The following ANKMY1 variants were observed in gnomAD, a reference collection of about 807,000 sequenced individuals.
The protein encoded by ANKMY1 is ankyrin repeat and MYND domain containing 1.
In ANKMY1, 98 loss-of-function variants were observed where a neutral mutation model predicts 102.0. The observed-to-expected ratio is 0.96, with a 90% CI of 0.82 to 1.14. The LOEUF (loss-of-function observed/expected upper bound fraction) is 1.14, where lower values mean the gene tolerates loss of function less well. Ranked by LOEUF, ANKMY1 falls within the 50% of genes most tolerant of loss-of-function variation. The pLI, the probability that ANKMY1 is intolerant of heterozygous loss-of-function variation, is 0.00. For synonymous variants in ANKMY1, 582 were observed against 559.9 expected, an observed-to-expected ratio of 1.04 and a Z score of -0.56; for missense variants, 1,330 against 1,347.6, an observed-to-expected ratio of 0.99 and a Z score of 0.20.
At chr2:240,539,563 C>T (rs76628099) in intron 4 of ANKMY1, among the ~76,000 whole-genome samples, 3,915 of 152,268 alleles carry the variant, frequency 0.026, 172 homozygotes, top group African/African-American at 0.089. Flanking sequence ...CCACCAATTC[C>T]GGACACAATA....
At chr2:240,556,898 C>G (rs1337474705) in intron 2 of ANKMY1, among the ~76,000 whole-genome samples, 7 of 152,142 alleles carry the variant, frequency 4.6e-5, no homozygotes, top group Non-Finnish European at 8.8e-5. Context: ...AAGATGGAGA[C>G]AGCTTGGGAG....
chr2:240,480,594 G>A (rs570531036), intron 17 of ANKMY1, among the ~76,000 whole-genome samples: 1 of 152,142 alleles, frequency 6.6e-6, no homozygotes, highest in South Asian at 2.1e-4. Context: ...CCAGGTGTCA[G>A]TGAAGCCTCT....
chr2:240,555,815 G>A (rs2092283665), intron 2 of ANKMY1, among the ~76,000 whole-genome samples: 1 of 152,000 alleles, frequency 6.6e-6, no homozygotes, highest in East Asian at 1.9e-4. Context: ...CCTACAGAAG[G>A]ACAGGGCATC....
rs1267538335 is a variant in ANKMY1 at position 240,523,891 on chromosome 2, A to G, written c.1826T>C (p.Met609Thr). 6 of 1,612,044 alleles carry G rather than the reference A, an allele frequency of 3.7e-6. 2 individuals are homozygous for G. In the South Asian group the frequency reaches 5.5e-5, roughly 15 times the overall value. Reference sequence around the variant, plus strand: ...AGCTGGTGCCAGGACCTACTCGATCATGGACAGCGCCATCCTCCGCATGGT... The same window carrying G: ...AGCTGGTGCCAGGACCTACTCGATCGTGGACAGCGCCATCCTCCGCATGGT... Reference protein sequence around the residue: ...KGTMRRMALSMIERRKRWRTI... With the variant: ...KGTMRRMALSTIERRKRWRTI... The change falls in exon 8 of 18, where the codon ATG becomes ACG. Residue 609 changes from methionine (M) to threonine (T), a missense_variant. Physicochemically the swap from Met to Thr is moderately conservative, Grantham distance 81. Coordinates refer to ENST00000401804, the MANE Select transcript of ANKMY1 (RefSeq NM_001282771.3).
chr2:240,479,445 GCCA>G lies in ANKMY1; in HGVS notation c.*161_*163del. 1 of 842,938 alleles carries G rather than the reference GCCA, an allele frequency of 1.2e-6. No individual in the cohort carries two copies. The highest frequency in any genetic ancestry group is 1.6e-5 in the South Asian group (1 of 63,380). 52.2% of individuals were successfully genotyped at this position (842,938 alleles called of 1,614,324 possible). A position where few individuals can be genotyped will look rare whatever the true frequency, so the allele number is the denominator to read the frequency against. ...CAGACTGTCAAAATCACCCCGTGGG[GCCA>G]ATTTATTGCGAGGTCGCAAGGGAGA... On this transcript the variant is annotated 3_prime_UTR_variant, in exon 18 of 18. Transcript: ENST00000401804.
intron 4 of ANKMY1, among the ~76,000 whole-genome samples, chr2:240,531,251 AG>A (rs1255320329): frequency 1.3e-5 from 2 of 152,244 alleles, no homozygotes; most frequent in Non-Finnish European, 2.9e-5. Context: ...AGTGTCGACA[AG>A]GATGTGAAAC....
chr2:240,537,678 C>T (rs561710930), intron 4 of ANKMY1, among the ~76,000 whole-genome samples: 13 of 152,364 alleles, frequency 8.5e-5, no homozygotes, highest in African/African-American at 2.6e-4. Flanking sequence ...ATGTACAAAA[C>T]AACGAAGTGT....
chr2:240,529,201 C>T lies in ANKMY1; in HGVS notation c.789G>A (p.Ser263=), dbSNP rs998533939. The change falls in exon 5 of 18, where the codon TCG becomes TCA. Residue 263 remains serine (S), a synonymous_variant. Transcript: ENST00000401804. The surrounding 1 kb of genome is among the most constrained non-coding windows in gnomAD (Gnocchi z 4.2). ...LTLPPEMYVY[S]TNSDHLPMTS... is the part of the protein sequence containing the mutation. ...TCATGGGCAGGTGGTCACTGTTGGT[C>T]GAGTAGACATACATTTCTGGAGGCA... 2 of 1,614,094 alleles carry T rather than the reference C, an allele frequency of 1.2e-6. No homozygotes were observed. Among genetic ancestry groups the T allele is most frequent in the Non-Finnish European group, 1.7e-6 (2 of 1,180,018 alleles).
chr2:240,550,376 G>T (rs535510938), intron 4 of ANKMY1, among the ~76,000 whole-genome samples: 93 of 113,734 alleles, frequency 8.2e-4, no homozygotes, highest in African/African-American at 2.8e-3. Flanking sequence ...GGTGGGGGGA[G>T]GGGGGAGGGA....
At chr2:240,472,145 G>C in the ANKMY1 span, among the ~76,000 whole-genome samples, 4 of 148,408 alleles carry the variant, frequency 2.7e-5, no homozygotes, top group African/African-American at 1.0e-4. Flanking sequence ...TCCTTCCCCA[G>C]TCACAGTCCT....
chr2:240,479,634 GA>G lies in ANKMY1; in HGVS notation c.3067del (p.Ser1023ProfsTer52), dbSNP rs755936347. 6.2e-7 allele frequency: 1 copy of G among 1,613,828 alleles called. No homozygotes were observed. Among genetic ancestry groups the G allele is most frequent in the East Asian group, 2.2e-5 (1 of 44,868 alleles). On this transcript the variant is annotated frameshift_variant, in exon 18 of 18. Coordinates refer to ENST00000401804, the MANE Select transcript of ANKMY1 (RefSeq NM_001282771.3). LOFTEE classifies it high-confidence loss of function. ...TCACTGGAATTCTTCTCTCCTCCTG[GA>G]AACTTGCTCCAGTTGTGTCACTGGA... ...VAIVTQLEQVSRRREEFQ is the reference protein window; with the variant it reads ...VAIVTQLEQVXRRREEFQ
chr2:240,472,058 A>G, the ANKMY1 span, among the ~76,000 whole-genome samples: 1 of 152,172 alleles, frequency 6.6e-6, no homozygotes, highest in South Asian at 2.1e-4. Context: ...CTTCCCAAGG[A>G]CGTGCTGGGA....
chr2:240,509,790 G>A (rs972243975), intron 11 of ANKMY1, among the ~76,000 whole-genome samples: 4 of 152,122 alleles, frequency 2.6e-5, no homozygotes, highest in African/African-American at 9.7e-5. Flanking sequence ...CACGTGGCAG[G>A]TCCTGGCATA....
chr2:240,523,801 C>G, intron 8 of ANKMY1, 84 bp downstream of exon 8: 5 of 1,528,372 alleles, frequency 3.3e-6, no homozygotes, highest in Non-Finnish European at 3.5e-6. Context: ...CCCACTGGCA[C>G]AGGGAAGAGA....
intron 4 of ANKMY1, among the ~76,000 whole-genome samples, chr2:240,551,690 C>T (rs1211982269): frequency 2.0e-5 from 3 of 152,162 alleles, no homozygotes; most frequent in Non-Finnish European, 4.4e-5. Flanking sequence ...CATGGTCACC[C>T]ATGGTATGGA....
upstream of ANKMY1, chr2:240,558,458 G>C (rs1305583541): frequency 1.3e-5 from 2 of 152,440 alleles, no homozygotes; most frequent in South Asian, 2.1e-4. Context: ...AAGAGGGATT[G>C]GCTGTCTTGG....
In ANKMY1 at chr2:240,509,457, T is replaced by C. The variant is rs1378802987; in HGVS notation, c.2287-2A>G. On this transcript the variant is annotated splice_acceptor_variant, in intron 11 of 17. Transcript: ENST00000401804. LOFTEE classifies it high-confidence loss of function. ...GAGCCGGACTATGTCCCTGGCACAC[T>C]GGGTGGGGAGAAATGACAGGTTAGA... 4 of 1,608,664 alleles carry C rather than the reference T, an allele frequency of 2.5e-6. No individual in the cohort carries two copies. The highest frequency in any genetic ancestry group is 3.4e-6 in the Non-Finnish European group (4 of 1,176,770).
intron 4 of ANKMY1, among the ~76,000 whole-genome samples, chr2:240,543,757 G>A (rs1441754353): frequency 6.6e-6 from 1 of 152,012 alleles, no homozygotes; most frequent in African/African-American, 2.4e-5. Flanking sequence ...AGTGCTATAG[G>A]GGAACTTTTT....
upstream of ANKMY1, chr2:240,560,885 C>T (rs2092924524): frequency 1.3e-6 from 2 of 1,508,672 alleles, no homozygotes; most frequent in African/African-American, 1.4e-5. Flanking sequence ...CAGAGCTGCG[C>T]GTGCCCGTGT....
Sources: gnomAD v4.1 joint callset for allele counts (sites outside exome capture counted in the v4.1 genomes callset) on GRCh38, gnomAD v4.1.1 for gene constraint, Gnocchi (gnomAD v3.1) non-coding constraint, MANE v1.5 for transcripts, NCBI Gene and HGNC (gene_info 2026-07-23, HGNC 2026-07-21) for gene names.